Variants in TSHZ3 observed in about 807,000 individuals in gnomAD.
The protein encoded by TSHZ3 is teashirt homolog 3.
A neutral mutation model predicts 64.5 loss-of-function variants in TSHZ3; 10 were observed. The observed-to-expected ratio is 0.16, with a 90% CI of 0.10 to 0.26. TSHZ3 has a LOEUF of 0.26. Ranked by LOEUF, TSHZ3 falls within the 10% of genes least tolerant of loss-of-function variation. TSHZ3 has a pLI of 1.00. For synonymous variants in TSHZ3, 608 were observed against 593.1 expected (o/e 1.03, Z -0.36); for missense variants, 1,242 against 1,421.7 (o/e 0.87, Z 2.03).
chr19:31,197,933 T>C (rs1882102050), intron 5 of TSHZ3, among the ~76,000 whole-genome samples: 1 of 152,084 alleles, frequency 6.6e-6, no homozygotes. Context: ...GGAAATATTG[T>C]CTAACTCATT....
At chr19:31,287,332 G>A (rs763184938) in intron 1 of TSHZ3, among the ~76,000 whole-genome samples, 1 of 152,162 alleles carries the variant, frequency 6.6e-6, no homozygotes, top group Non-Finnish European at 1.5e-5. Context: ...GGCTAAAACT[G>A]TTTATAGATT....
intron 1 of TSHZ3, among the ~76,000 whole-genome samples, chr19:31,255,087 G>A (rs569272776): frequency 6.6e-6 from 1 of 152,174 alleles, no homozygotes; most frequent in Non-Finnish European, 1.5e-5. Context: ...ATCAGCTTTT[G>A]GTTCCATGCT....
intron 1 of TSHZ3, 143 bp downstream of exon 1, chr19:31,349,037 G>T: frequency 9.8e-7 from 1 of 1,023,374 alleles, no homozygotes. Flanking sequence ...GCGGGCGCAC[G>T]CACCCAAACA....
chr19:31,279,805 A>G lies in TSHZ3; in HGVS notation c.41-53T>C. ...GACAGGTAGGATGGAATGAAGAGAG[A>G]CAGGGAGAAGGAGAGAAAGAAAAAA... On this transcript the variant is annotated intron_variant, in intron 1 of 1. Transcript: ENST00000240587. This position sits in a 1 kb window ranked among gnomAD's most constrained non-coding sequence, Gnocchi z 6.4. 7.0e-7 allele frequency: 1 copy of G among 1,423,526 alleles called. No homozygotes were observed. 88.2% of individuals were successfully genotyped at this position (1,423,526 alleles called of 1,614,324 possible).
intron 4 of TSHZ3, among the ~76,000 whole-genome samples, chr19:31,208,507 A>G (rs750404308): frequency 6.6e-6 from 1 of 152,174 alleles, no homozygotes; most frequent in Non-Finnish European, 1.5e-5. Context: ...ATTAGAAGAA[A>G]CAATGAATTG....
intron 5 of TSHZ3, among the ~76,000 whole-genome samples, chr19:31,201,760 G>T (rs1599579348): frequency 6.6e-6 from 1 of 152,154 alleles, no homozygotes; most frequent in African/African-American, 2.4e-5. Flanking sequence ...AGAAATAAAA[G>T]TTGGAAATGT....
intron 5 of TSHZ3, among the ~76,000 whole-genome samples, chr19:31,156,720 A>C (rs1286245152): frequency 6.6e-6 from 1 of 151,984 alleles, no homozygotes; most frequent in African/African-American, 2.4e-5. Context: ...TTTTTTCTTA[A>C]GATAAAGTGC....
chr19:31,171,033 A>C (rs1974528080), intron 5 of TSHZ3, among the ~76,000 whole-genome samples: 1 of 152,202 alleles, frequency 6.6e-6, no homozygotes, highest in Non-Finnish European at 1.5e-5. Context: ...AATTCTTTAG[A>C]AAGGGAATTT....
At chr19:31,170,660 T>A (rs936311588) in intron 5 of TSHZ3, among the ~76,000 whole-genome samples, 1 of 152,224 alleles carries the variant, frequency 6.6e-6, no homozygotes, top group African/African-American at 2.4e-5. Context: ...AGTTTATGAA[T>A]AGGAAATTAA....
chr19:31,339,963 T>G (rs1286854432), intron 1 of TSHZ3, among the ~76,000 whole-genome samples: 5 of 152,084 alleles, frequency 3.3e-5, no homozygotes, highest in African/African-American at 9.7e-5. Context: ...TTTTATTTAT[T>G]TATTTTTTAA....
intron 1 of TSHZ3, among the ~76,000 whole-genome samples, chr19:31,251,273 C>T (rs77186845): frequency 0.017 from 2,567 of 152,236 alleles, 73 homozygotes; most frequent in African/African-American, 0.059. Context: ...GGACCTGCAT[C>T]CTTCCCATTT....
chr19:31,154,749 C>T (rs1476459842), intron 6 of TSHZ3, among the ~76,000 whole-genome samples: 2 of 152,176 alleles, frequency 1.3e-5, no homozygotes, highest in African/African-American at 4.8e-5. Context: ...TGCAGGTGGG[C>T]ATTTTTCAGA....
chr19:31,234,395 C>T (rs978886240), intron 3 of TSHZ3, among the ~76,000 whole-genome samples: 5 of 152,088 alleles, frequency 3.3e-5, no homozygotes, highest in Non-Finnish European at 7.4e-5. Flanking sequence ...ATGGCATTGG[C>T]TAGGACATCC....
chr19:31,150,536 C>T (rs1001019645), exon 7 of TSHZ3, among the ~76,000 whole-genome samples: 3 of 152,194 alleles, frequency 2.0e-5, no homozygotes, highest in Non-Finnish European at 4.4e-5. Flanking sequence ...ACCCTGCCCA[C>T]TGGGAAGACA....
chr19:31,268,602 A>G (rs1976089342), intron 1 of TSHZ3, among the ~76,000 whole-genome samples: 1 of 152,216 alleles, frequency 6.6e-6, no homozygotes, highest in Non-Finnish European at 1.5e-5. Context: ...CAGGCATCAC[A>G]GAGATTACAG....
intron 5 of TSHZ3, among the ~76,000 whole-genome samples, chr19:31,186,970 A>C (rs1010936058): frequency 6.6e-5 from 10 of 150,876 alleles, no homozygotes; most frequent in Non-Finnish European, 1.0e-4. Flanking sequence ...TGTATATTAC[A>C]AAATCTTTTT....
intron 1 of TSHZ3, among the ~76,000 whole-genome samples, chr19:31,335,822 AC>A (rs1917225989): frequency 6.6e-6 from 1 of 151,960 alleles, no homozygotes; most frequent in Non-Finnish European, 1.5e-5. Context: ...GAGCTGTGTC[AC>A]CCCCGTGGGC....
rs188166248 is a variant in TSHZ3, at chr19:31,282,606, T to G, written c.41-2854A>C. ...CAGCCCAGGCCGTCCGGAGCACCCC[T>G]CCCCAACACATGCACCATGAATGAT... is the stretch of plus-strand genomic sequence containing the variant. On this transcript the variant is annotated intron_variant, in intron 1 of 1. Transcript: ENST00000240587. Among the ~76,000 whole-genome samples the G allele has an allele frequency of 2.8e-3, 428 of 151,982 alleles. 4 individuals are homozygous for G. The highest frequency in any genetic ancestry group is 9.8e-3 in the African/African-American group (405 of 41,436).
intron 1 of TSHZ3, among the ~76,000 whole-genome samples, chr19:31,348,256 G>A (rs2021572061): frequency 6.6e-6 from 1 of 152,156 alleles, no homozygotes; most frequent in Non-Finnish European, 1.5e-5. Context: ...ATCAAAGGCA[G>A]CAGCATGACG....
Sources: allele counts gnomAD v4.1 joint callset (sites outside exome capture counted in the v4.1 genomes callset), GRCh38; gene constraint gnomAD v4.1.1; non-coding constraint Gnocchi (gnomAD v3.1); transcripts MANE v1.5; gene names NCBI Gene and HGNC (gene_info 2026-07-23, HGNC 2026-07-21).